Variants in LRFN2 observed in about 807,000 individuals in gnomAD.
LRFN2 encodes the protein leucine rich repeat and fibronectin type III domain containing 2.
Under a neutral mutation model 37.3 loss-of-function variants are expected in LRFN2, and 18 were observed. That is an observed-to-expected ratio of 0.48 (90% CI 0.33 to 0.72). LRFN2 has a LOEUF of 0.72. Ranked by LOEUF, LRFN2 falls within the 30% of genes least tolerant of loss-of-function variation. LRFN2 has a pLI of 0.02. For synonymous variants in LRFN2, 556 were observed against 466.6 expected, an observed-to-expected ratio of 1.19 and a Z score of -2.47; for missense variants, 1,006 against 1,060.7, an observed-to-expected ratio of 0.95 and a Z score of 0.72.
chr6:40,402,535 A>T (rs1160455820), intron 2 of LRFN2, among the ~76,000 whole-genome samples: 2 of 152,242 alleles, frequency 1.3e-5, no homozygotes, highest in Non-Finnish European at 2.9e-5. Context: ...ACTGTTCTGA[A>T]TATTTTCCAT....
At chr6:40,492,274 G>A (rs1385380658) in intron 1 of LRFN2, among the ~76,000 whole-genome samples, 1 of 152,164 alleles carries the variant, frequency 6.6e-6, no homozygotes, top group Non-Finnish European at 1.5e-5. Context: ...GAAGCGTGAA[G>A]GGCGGGAAGG....
At chr6:40,500,046 G>C (rs913601936) in intron 1 of LRFN2, among the ~76,000 whole-genome samples, 3 of 152,228 alleles carry the variant, frequency 2.0e-5, no homozygotes, top group Admixed American at 2.0e-4. Flanking sequence ...GGCCTCTCCA[G>C]CTCCCTGCCT....
intron 1 of LRFN2, among the ~76,000 whole-genome samples, chr6:40,437,761 GC>G (rs754669595): frequency 2.4e-4 from 37 of 152,134 alleles, no homozygotes; most frequent in Admixed American, 5.2e-4. Context: ...GGTTGCAAGG[GC>G]TCTCTCTTTT....
chr6:40,546,622 C>T (rs1766668603), intron 1 of LRFN2, among the ~76,000 whole-genome samples: 1 of 152,174 alleles, frequency 6.6e-6, no homozygotes, highest in Non-Finnish European at 1.5e-5. Context: ...GGATTCAAAT[C>T]CCAGCTCTAT....
chr6:40,415,750 T>G (rs62395883), intron 2 of LRFN2, among the ~76,000 whole-genome samples: 63,125 of 152,054 alleles, frequency 0.42, 13,467 homozygotes, highest in Admixed American at 0.47. Flanking sequence ...TAGCTGCCCT[T>G]CCCATGTGTG....
chr6:40,583,582 T>C (rs1767445009), intron 1 of LRFN2, among the ~76,000 whole-genome samples: 1 of 152,214 alleles, frequency 6.6e-6, no homozygotes, highest in African/African-American at 2.4e-5. Context: ...AATATAGCTG[T>C]GAGTGCTAAA....
intron 1 of LRFN2, among the ~76,000 whole-genome samples, chr6:40,581,780 C>A (rs929239156): frequency 5.9e-5 from 9 of 152,170 alleles, no homozygotes; most frequent in Non-Finnish European, 1.2e-4. Context: ...TACTGAGACC[C>A]TGGTATGGCT....
chr6:40,514,238 A>AC (rs377685101), intron 1 of LRFN2, among the ~76,000 whole-genome samples: 1 of 151,262 alleles, frequency 6.6e-6, no homozygotes, highest in Non-Finnish European at 1.5e-5. Flanking sequence ...GATAGTTTTG[A>AC]CCCCCCACAA....
intron 1 of LRFN2, among the ~76,000 whole-genome samples, chr6:40,505,358 C>T (rs1434873944): frequency 6.6e-6 from 1 of 152,128 alleles, no homozygotes; most frequent in Non-Finnish European, 1.5e-5. Context: ...CCTAATGGCA[C>T]CCAGAGAATC....
At chr6:40,565,683 T>A (rs1361786989) in intron 1 of LRFN2, among the ~76,000 whole-genome samples, 1 of 151,592 alleles carries the variant, frequency 6.6e-6, no homozygotes, top group Non-Finnish European at 1.5e-5. Context: ...GCTAGCCATA[T>A]GTAGAAAGCT....
At chr6:40,568,791 G>A (rs1270800676) in intron 1 of LRFN2, among the ~76,000 whole-genome samples, 1 of 151,410 alleles carries the variant, frequency 6.6e-6, no homozygotes, top group Middle Eastern at 3.4e-3. Context: ...GTGCGATCTC[G>A]GCTCACTGTA....
chr6:40,465,335 C>G (rs1202037041), intron 1 of LRFN2, among the ~76,000 whole-genome samples: 1 of 152,212 alleles, frequency 6.6e-6, no homozygotes, highest in African/African-American at 2.4e-5. Flanking sequence ...TTATTTTAAG[C>G]TATCAATTTT....
rs528640950 is a variant in LRFN2, at chr6:40,422,870, T to G, written c.1400+8844A>C. Among the ~76,000 whole-genome samples, 9 of 152,324 alleles carry G rather than the reference T, an allele frequency of 5.9e-5. No individual in the cohort carries two copies. In the East Asian group the frequency reaches 1.7e-3, roughly 29 times the overall value. ...CTTACTGGAGGGGGAAAAAGCTTCA[T>G]TTCAGAAAAGAGGGAGACTGGATAC... On this transcript the variant is annotated intron_variant, in intron 2 of 2. Coordinates refer to ENST00000338305, the MANE Select transcript of LRFN2 (RefSeq NM_020737.3).
At chr6:40,505,568 CA>C in intron 1 of LRFN2, among the ~76,000 whole-genome samples, 1 of 152,332 alleles carries the variant, frequency 6.6e-6, no homozygotes, top group South Asian at 2.1e-4. Flanking sequence ...AGTTGCCACA[CA>C]AAGCCTTCCC....
intron 2 of LRFN2, among the ~76,000 whole-genome samples, chr6:40,410,633 G>A (rs1297229019): frequency 6.6e-6 from 1 of 152,198 alleles, no homozygotes; most frequent in African/African-American, 2.4e-5. Context: ...TATATATAGT[G>A]AATGCTTACA....
chr6:40,444,295 AAG>A (rs1285843971), intron 1 of LRFN2, among the ~76,000 whole-genome samples: 3 of 152,172 alleles, frequency 2.0e-5, no homozygotes. Context: ...AGAAAGAAGA[AAG>A]AGACAGAGAC....
At chr6:40,551,730 A>G (rs996948239) in intron 1 of LRFN2, among the ~76,000 whole-genome samples, 1 of 152,142 alleles carries the variant, frequency 6.6e-6, no homozygotes, top group African/African-American at 2.4e-5. Context: ...TGATGCTAAG[A>G]TCATACACTA....
At chr6:40,516,160 C>T (rs1029711104) in intron 1 of LRFN2, among the ~76,000 whole-genome samples, 10 of 152,126 alleles carry the variant, frequency 6.6e-5, no homozygotes, top group African/African-American at 2.4e-4. Context: ...TCAGAGCCTG[C>T]TTCTAGGGGA....
intron 1 of LRFN2, among the ~76,000 whole-genome samples, chr6:40,519,756 G>C (rs183420046): frequency 6.6e-6 from 1 of 152,228 alleles, no homozygotes; most frequent in Non-Finnish European, 1.5e-5. Context: ...TGTGTAAAAG[G>C]TGCCCTGATA....
Sources: allele counts gnomAD v4.1 joint callset (sites outside exome capture counted in the v4.1 genomes callset), GRCh38; gene constraint gnomAD v4.1.1; transcripts MANE v1.5; gene names NCBI Gene and HGNC (gene_info 2026-07-23, HGNC 2026-07-21).